The following TUBGCP5 variants were observed in gnomAD, a reference collection of about 807,000 sequenced individuals.
The protein encoded by TUBGCP5 is gamma-tubulin complex component 5.
A neutral mutation model predicts 134.7 loss-of-function variants in TUBGCP5; 98 were observed. That is an observed-to-expected ratio of 0.73 (90% CI 0.62 to 0.86). The LOEUF is 0.86. TUBGCP5 is among the 40% of genes least tolerant of loss of function. The probability of loss-of-function intolerance (pLI) is 0.00; values close to 1 mark genes in which losing one functional copy is unlikely to be tolerated. For missense variants in TUBGCP5, 1,150 were observed against 1,244.8 expected (o/e 0.92, Z 1.15); for synonymous variants, 456 against 431.4 (o/e 1.06, Z -0.71).
In TUBGCP5 at chr15:23,024,795, T is replaced by A. The variant is rs1282645632; in HGVS notation, c.863A>T (p.Gln288Leu). Residue 288 changes from glutamine to leucine, a missense_variant, in exon 9 of 23, where the codon CAG (glutamine) becomes CTG (leucine). Around this residue, in one of 2 missense-constraint regions of TUBGCP5, gnomAD observed 453 missense variants for 394.7 expected, o/e 1.15. Transcript: ENST00000615383. ...CACAGTTACCTTCCCATCTATCAACTGAAATATAAAGAGCTTTTTCACTCC... is the reference window on the plus strand; with the variant it reads ...CACAGTTACCTTCCCATCTATCAACAGAAATATAAAGAGCTTTTTCACTCC... ...LSGVKKLFIF[Q>L]LIDGKVTVRN... The A allele has an allele frequency of 5.6e-6, 9 of 1,597,840 alleles. No individual in the cohort carries two copies. In the East Asian group the frequency reaches 2.0e-4, roughly 36 times the overall value.
At chr15:23,032,253 G>C (rs1285779945) in intron 4 of TUBGCP5, among the ~76,000 whole-genome samples, 1 of 152,174 alleles carries the variant, frequency 6.6e-6, no homozygotes, top group African/African-American at 2.4e-5. Flanking sequence ...AGTTTGTAAA[G>C]TTAGAACGAA....
intron 23 of TUBGCP5, among the ~76,000 whole-genome samples, chr15:22,987,545 A>T (rs2063715744): frequency 6.6e-6 from 1 of 151,762 alleles, no homozygotes; most frequent in Non-Finnish European, 1.5e-5. Flanking sequence ...GGCCTTTGGG[A>T]GCTGACAGGT....
chr15:22,997,460 A>G (rs369276847), downstream of TUBGCP5, among the ~76,000 whole-genome samples: 11 of 151,996 alleles, frequency 7.2e-5, no homozygotes, highest in East Asian at 9.7e-4. Flanking sequence ...GACTGCAGGC[A>G]TGAGCCACCG....
At chr15:22,984,945 C>A (rs2063636779) in intron 23 of TUBGCP5, among the ~76,000 whole-genome samples, 1 of 152,070 alleles carries the variant, frequency 6.6e-6, no homozygotes, top group South Asian at 2.1e-4. Context: ...AAGACATAGA[C>A]AATATTGCAA....
intron 8 of TUBGCP5, among the ~76,000 whole-genome samples, chr15:23,025,639 T>A (rs2065938682): frequency 1.3e-5 from 2 of 152,138 alleles, no homozygotes; most frequent in Non-Finnish European, 2.9e-5. Flanking sequence ...TAGACCATCC[T>A]GGCTAACATG....
chr15:23,004,093 C>G lies in TUBGCP5; in HGVS notation c.2838+9G>C. The stretch of plus-strand genomic sequence containing the variant: ...CAGTGGCCACATCTGCAGGAGACAT[C>G]TCATGTACCTTTTCTCTCAGCAGAC... On this transcript the variant is annotated intron_variant, in intron 20 of 22. Coordinates refer to ENST00000615383, the MANE Select transcript of TUBGCP5 (RefSeq NM_052903.6). 1.9e-6 allele frequency: 3 copies of G among 1,605,636 alleles called. No individual in the cohort carries two copies. Among genetic ancestry groups the G allele is most frequent in the Non-Finnish European group, 2.5e-6 (3 of 1,177,712 alleles).
At chr15:23,005,378 G>T in intron 19 of TUBGCP5, 54 bp downstream of exon 19, 3 of 1,555,384 alleles carry the variant, frequency 1.9e-6, no homozygotes, top group South Asian at 2.4e-5. Context: ...AATTCTCTAC[G>T]AACAACTGTA....
chr15:23,012,348 A>T (rs1189949230), intron 13 of TUBGCP5, among the ~76,000 whole-genome samples: 1 of 152,130 alleles, frequency 6.6e-6, no homozygotes, highest in African/African-American at 2.4e-5. Context: ...CATAACATTG[A>T]GATGATTGAG....
chr15:23,014,554 A>T lies in TUBGCP5; in HGVS notation c.1756+3219T>A, dbSNP rs142165447. ...CCTCATGCCAGCCAAGCAGCCTTCC[A>T]CCCACATGCTGGGCCTCAGAAGCAG... On this transcript the variant is annotated intron_variant, in intron 13 of 22. Coordinates refer to ENST00000615383, the MANE Select transcript of TUBGCP5 (RefSeq NM_052903.6). Among the ~76,000 whole-genome samples, 604 of 152,096 alleles carry T rather than the reference A, an allele frequency of 4.0e-3. 3 individuals are homozygous for T. The highest frequency in any genetic ancestry group is 5.3e-3 in the Non-Finnish European group (363 of 67,986).
chr15:23,004,229 T>C lies in TUBGCP5; in HGVS notation c.2713-2A>G. The C allele has an allele frequency of 3.1e-6, 5 of 1,603,792 alleles. No homozygotes were observed. The highest frequency in any genetic ancestry group is 1.3e-5 in the African/African-American group (1 of 74,284). On this transcript the variant is annotated splice_acceptor_variant, in intron 19 of 22. Coordinates refer to ENST00000615383, the MANE Select transcript of TUBGCP5 (RefSeq NM_052903.6). LOFTEE classifies it high-confidence loss of function. ...CTCCAGCCCTGTACTGTGTAGAATC[T>C]TGGAAGAGAAAGATAAAAAGCTTCA... is the stretch of plus-strand genomic sequence containing the variant.
At chr15:23,027,412 T>A in intron 6 of TUBGCP5, 106 bp from the exon 7 acceptor site, 1 of 810,930 alleles carries the variant, frequency 1.2e-6, no homozygotes. Context: ...AATGGCTTTT[T>A]AAAAATAACA....
intron 7 of TUBGCP5, among the ~76,000 whole-genome samples, chr15:23,026,748 C>T (rs1423194917): frequency 6.6e-6 from 1 of 152,064 alleles, no homozygotes; most frequent in Non-Finnish European, 1.5e-5. Context: ...GCCTGGCCAA[C>T]ATGGTAAAAC....
At position 23,024,070 on chromosome 15, in the gene TUBGCP5, C is replaced by T; in HGVS notation, c.1045G>A (p.Val349Ile). Reference sequence around the variant, plus strand: ...GGAGCTTCAGTTGACTTCTTAGGAACAGACCCACTTCCAGGCAGCATGCTC... The same window carrying T: ...GGAGCTTCAGTTGACTTCTTAGGAATAGACCCACTTCCAGGCAGCATGCTC... ...SESMLPGSGSVPKKSTEAPFR... is the reference protein window; with the variant it reads ...SESMLPGSGSIPKKSTEAPFR... The change falls in exon 10 of 23, where the codon GTT becomes ATT. Residue 349 changes from valine to isoleucine, a missense_variant. This residue lies in a region of TUBGCP5 where 697 missense variants were observed against 850.1 expected (regional missense o/e 0.82). Coordinates refer to ENST00000615383, the MANE Select transcript of TUBGCP5 (RefSeq NM_052903.6). 1.9e-6 allele frequency: 3 copies of T among 1,614,174 alleles called. No homozygotes were observed. Among genetic ancestry groups the T allele is most frequent in the Non-Finnish European group, 2.5e-6 (3 of 1,180,022 alleles).
chr15:23,039,120 G>A (rs902538052), intron 1 of TUBGCP5, among the ~76,000 whole-genome samples: 86 of 152,056 alleles, frequency 5.7e-4, no homozygotes, highest in Non-Finnish European at 2.9e-5. Context: ...CGCTGGGGTT[G>A]CAGGCGCGCG....
chr15:23,011,223 T>G lies in TUBGCP5; in HGVS notation c.1865A>C (p.Lys622Thr), dbSNP rs2140466050. ...PQVLTEQQAT[K>T]ENLMKMQSIA... The stretch of plus-strand genomic sequence containing the variant: ...GGACTGCATCTTCATCAGGTTCTCC[T>G]TGGTTGCCTGTTGCTCAGTAAGAAC... Residue 622 changes from lysine (K) to threonine (T), a missense_variant, in exon 14 of 23, where the codon AAG becomes ACG. Lys to Thr is a moderately conservative substitution (Grantham distance 78). Around this residue, in one of 2 missense-constraint regions of TUBGCP5, gnomAD observed 697 missense variants for 850.1 expected, o/e 0.82. Transcript: ENST00000615383. 1 of 1,613,952 alleles carries G rather than the reference T, an allele frequency of 6.2e-7. No individual in the cohort carries two copies. The highest frequency in any genetic ancestry group is 8.5e-7 in the Non-Finnish European group (1 of 1,179,980).
At chr15:23,000,251 T>G in intron 22 of TUBGCP5, 1 of 1,228,392 alleles carries the variant, frequency 8.1e-7, no homozygotes, top group Non-Finnish European at 1.0e-6. Context: ...GACTAGATTT[T>G]GAAAAGAAAT....
chr15:22,998,735 C>T (rs1486661193), downstream of TUBGCP5, among the ~76,000 whole-genome samples: 1 of 152,130 alleles, frequency 6.6e-6, no homozygotes, highest in Non-Finnish European at 1.5e-5. Context: ...CTGCCTCAGC[C>T]TCCCAAGTAG....
At chr15:23,007,511 ATC>A (rs964669000) in intron 16 of TUBGCP5, among the ~76,000 whole-genome samples, 1 of 152,164 alleles carries the variant, frequency 6.6e-6, no homozygotes, top group Non-Finnish European at 1.5e-5. Flanking sequence ...TAGAAAGCCA[ATC>A]TCTCTTCCCT....
At chr15:23,037,965 C>T (rs2066692977) in intron 1 of TUBGCP5, among the ~76,000 whole-genome samples, 1 of 152,102 alleles carries the variant, frequency 6.6e-6, no homozygotes, top group Admixed American at 6.5e-5. Flanking sequence ...CGGGTTTCAC[C>T]GTGTTAGCCA....
Sources: allele counts gnomAD v4.1 joint callset (sites outside exome capture counted in the v4.1 genomes callset), GRCh38; gene constraint gnomAD v4.1.1; regional missense constraint gnomAD v4.1.1; transcripts MANE v1.5; gene names NCBI Gene and HGNC (gene_info 2026-07-23, HGNC 2026-07-21).